PDLIM4: variants seen among roughly 807,000 people sequenced by gnomAD.
PDLIM4 encodes the protein PDZ and LIM domain protein 4.
Under a neutral mutation model 31.3 loss-of-function variants are expected in PDLIM4, and 19 were observed. The observed-to-expected ratio is 0.61, with a 90% confidence interval of 0.42 to 0.89. PDLIM4 has a LOEUF of 0.89. Ranked by LOEUF, PDLIM4 falls within the 40% of genes least tolerant of loss-of-function variation. The pLI, the probability that PDLIM4 is intolerant of heterozygous loss-of-function variation, is 0.00. For synonymous variants in PDLIM4, 176 were observed against 190.1 expected, an observed-to-expected ratio of 0.93 and a Z score of 0.61; for missense variants, 442 against 461.1, an observed-to-expected ratio of 0.96 and a Z score of 0.38.
intron 3 of PDLIM4, among the ~76,000 whole-genome samples, chr5:132,269,747 A>G (rs569432032): frequency 2.0e-4 from 30 of 152,160 alleles, no homozygotes; most frequent in Non-Finnish European, 3.4e-4. Context: ...ACCACACTGT[A>G]GAGCAGAGGA....
intron 1 of PDLIM4, among the ~76,000 whole-genome samples, chr5:132,259,793 C>T (rs1756334830): frequency 6.6e-6 from 1 of 152,150 alleles, no homozygotes; most frequent in African/African-American, 2.4e-5. Flanking sequence ...GCAATCTCAG[C>T]CCATGAAGCC....
intron 1 of PDLIM4, among the ~76,000 whole-genome samples, chr5:132,258,542 C>CT (rs1756296649): frequency 6.6e-6 from 1 of 152,180 alleles, no homozygotes; most frequent in African/African-American, 2.4e-5. Context: ...CGGCACAGCC[C>CT]TGGAGCGTGG....
At chr5:132,266,298 G>A (rs900282136) in intron 2 of PDLIM4, among the ~76,000 whole-genome samples, 166 bp from the exon 3 acceptor site, 4 of 152,200 alleles carry the variant, frequency 2.6e-5, no homozygotes, top group African/African-American at 9.7e-5. Context: ...AGCTAGAGTT[G>A]TGGCTCATTG....
intron 1 of PDLIM4, among the ~76,000 whole-genome samples, chr5:132,258,423 G>A (rs1710269977): frequency 6.6e-6 from 1 of 152,232 alleles, no homozygotes; most frequent in South Asian, 2.1e-4. Context: ...CTGTGAGGTT[G>A]TGAGACCCCT....
At chr5:132,264,608 T>G (rs1756449292) in intron 2 of PDLIM4, among the ~76,000 whole-genome samples, 1 of 128,354 alleles carries the variant, frequency 7.8e-6, no homozygotes, top group Non-Finnish European at 1.7e-5. Flanking sequence ...ATGCAGACTC[T>G]GGGGGATCAA....
chr5:132,272,885 A>C lies in PDLIM4; in HGVS notation c.*656A>C, dbSNP rs1052303120. On this transcript the variant is annotated 3_prime_UTR_variant, in exon 7 of 7. Coordinates refer to ENST00000253754, the MANE Select transcript of PDLIM4 (RefSeq NM_003687.4). Reference sequence around the variant, plus strand: ...CCCACGAGCACTTTATTCTCCTCCGAGACCCCCTTTTCTTCCCCTTCCTCT... The same window carrying C: ...CCCACGAGCACTTTATTCTCCTCCGCGACCCCCTTTTCTTCCCCTTCCTCT... The C allele has an allele frequency of 1.3e-5, 2 of 152,712 alleles. No homozygotes were observed. The highest frequency in any genetic ancestry group is 4.8e-5 in the African/African-American group (2 of 41,394). 9.5% of individuals were successfully genotyped at this position (152,712 alleles called of 1,614,324 possible).
Position 132,272,207 on chromosome 5 carries a change from A to G in PDLIM4, c.971A>G (p.Asn324Ser), listed in dbSNP as rs770208411. ...EGYDVVAVYP[N>S]AKVELV Reference sequence around the variant, plus strand: ...TACGACGTGGTGGCGGTGTACCCCAATGCCAAGGTGGAACTCGTCTGAGCT... The same window carrying G: ...TACGACGTGGTGGCGGTGTACCCCAGTGCCAAGGTGGAACTCGTCTGAGCT... The change falls in exon 7 of 7, where the codon AAT becomes AGT. Residue 324 changes from asparagine to serine, a missense_variant. Coordinates refer to ENST00000253754, the MANE Select transcript of PDLIM4 (RefSeq NM_003687.4). 9 of 1,614,020 alleles carry G rather than the reference A, an allele frequency of 5.6e-6. No individual in the cohort carries two copies. In the African/African-American group the frequency reaches 6.7e-5, roughly 12 times the overall value.
rs757650811 is a variant in PDLIM4 at position 132,266,449 on chromosome 5, C to T, written c.246-15C>T. The T allele has an allele frequency of 7.6e-6, 12 of 1,586,470 alleles. No individual in the cohort carries two copies. The South Asian group carries it at 1.2e-4, about 16-fold the overall frequency. ...TGGTAGGAGACATATCTGACCATCA[C>T]AATTTCTGCCACAGGCCTGAGGGTA... On this transcript the variant is annotated splice_polypyrimidine_tract_variant and intron_variant, in intron 2 of 6. Coordinates refer to ENST00000253754, the MANE Select transcript of PDLIM4 (RefSeq NM_003687.4).
Position 132,271,297 on chromosome 5 carries a change from T to A in PDLIM4, c.507-6T>A, listed in dbSNP as rs772878474. ...CCTTCCTCCTCTATTTCTTTCTCCC[T>A]CCCAGCGCTGACCCAGCCAGAGGCC... On this transcript the variant is annotated splice_region_variant and splice_polypyrimidine_tract_variant and intron_variant, in intron 4 of 6. Transcript: ENST00000253754. 1 of 1,590,736 alleles carries A rather than the reference T, an allele frequency of 6.3e-7. No homozygotes were observed. Among genetic ancestry groups the A allele is most frequent in the Non-Finnish European group, 8.6e-7 (1 of 1,169,444 alleles).
intron 3 of PDLIM4, among the ~76,000 whole-genome samples, chr5:132,267,011 T>C (rs1476452939): frequency 6.6e-6 from 1 of 152,250 alleles, no homozygotes; most frequent in Non-Finnish European, 1.5e-5. Context: ...GTGGTGCTTC[T>C]AGCAGAACTT....
chr5:132,271,116 G>A, intron 4 of PDLIM4, 23 bp downstream of exon 4: 1 of 1,607,822 alleles, frequency 6.2e-7, no homozygotes, highest in Non-Finnish European at 8.5e-7. Context: ...TGCCTTCGGT[G>A]CCATGCCCAG....
Position 132,266,483 on chromosome 5 carries a change from C to G in PDLIM4, c.265C>G (p.Pro89Ala), listed in dbSNP as rs1756495016. The G allele has an allele frequency of 1.9e-6, 3 of 1,612,026 alleles. No homozygotes were observed. The highest frequency in any genetic ancestry group is 2.5e-6 in the Non-Finnish European group (3 of 1,178,264). ...SVSRPEGRSW[P>A]SAPDDSKAQA... ...CCACAGGCCTGAGGGTAGGAGCTGGCCCAGTGCCCCTGATGACAGCAAGGC... is the reference window on the plus strand; with the variant it reads ...CCACAGGCCTGAGGGTAGGAGCTGGGCCAGTGCCCCTGATGACAGCAAGGC... The change falls in exon 3 of 7, where the codon CCC becomes GCC. Residue 89 changes from proline to alanine, a missense_variant. Physicochemically the swap from Pro to Ala is conservative, Grantham distance 27. Transcript: ENST00000253754.
At chr5:132,263,702 G>A (rs888409898) in intron 2 of PDLIM4, among the ~76,000 whole-genome samples, 2 of 152,222 alleles carry the variant, frequency 1.3e-5, no homozygotes, top group Admixed American at 6.5e-5. Context: ...GTGGAAGTAC[G>A]TGGGCAAAGC....
At chr5:132,268,736 C>G (rs1279927641) in intron 3 of PDLIM4, among the ~76,000 whole-genome samples, 1 of 152,206 alleles carries the variant, frequency 6.6e-6, no homozygotes, top group African/African-American at 2.4e-5. Flanking sequence ...AGAGCTAGAA[C>G]TGAGCCTCTA....
Position 132,271,408 on chromosome 5 carries a change from GC to G in PDLIM4, c.615del (p.Lys206SerfsTer13). Reference protein sequence around the residue: ...REPAEPVAAEPKQSGSFRYLQ... With the variant: ...REPAEPVAAEXKQSGSFRYLQ... ...AGCCAGCCGAGCCCGTGGCCGCGGA[GC>G]CCAAGCAGTCAGGCTCCTTCCGCTA... On this transcript the variant is annotated frameshift_variant, in exon 5 of 7. Transcript: ENST00000253754. LOFTEE classifies it high-confidence loss of function. 6.2e-7 allele frequency: 1 copy of G among 1,608,806 alleles called. No homozygotes were observed.
intron 3 of PDLIM4, 93 bp downstream of exon 3, chr5:132,266,638 C>A: frequency 1.3e-6 from 1 of 760,476 alleles, no homozygotes; most frequent in Admixed American, 2.6e-5. Flanking sequence ...AATGTCCTCA[C>A]TGGGGCTCTC....
intron 3 of PDLIM4, among the ~76,000 whole-genome samples, chr5:132,267,508 G>A (rs991666619): frequency 6.6e-6 from 1 of 152,218 alleles, no homozygotes; most frequent in African/African-American, 2.4e-5. Flanking sequence ...TGGGCTAGGG[G>A]AAGCCAGGGG....
intron 1 of PDLIM4, among the ~76,000 whole-genome samples, chr5:132,259,071 G>A (rs1329827515): frequency 2.0e-5 from 3 of 152,092 alleles, no homozygotes; most frequent in Non-Finnish European, 4.4e-5. Flanking sequence ...GGTCCCTGGG[G>A]CCGAGTGAGG....
intron 1 of PDLIM4, among the ~76,000 whole-genome samples, chr5:132,260,115 G>C (rs1370164812): frequency 6.6e-6 from 1 of 152,320 alleles, no homozygotes; most frequent in African/African-American, 2.4e-5. Flanking sequence ...GGAGACAGGA[G>C]GAATCCAGGC....
Sources: gnomAD v4.1 joint callset for allele counts (sites outside exome capture counted in the v4.1 genomes callset) on GRCh38, gnomAD v4.1.1 for gene constraint, MANE v1.5 for transcripts, NCBI Gene and HGNC (gene_info 2026-07-23, HGNC 2026-07-21) for gene names.